NBEAL1: variants seen among roughly 807,000 people sequenced by gnomAD.
The protein encoded by NBEAL1 is neurobeachin-like protein 1.
NBEAL1 carries 273 observed loss-of-function variants against 351.3 expected under a neutral mutation model. The ratio of observed to expected loss-of-function variants is 0.78; its 90% CI spans 0.70 to 0.86. The LOEUF is 0.86. Ranked by LOEUF, NBEAL1 falls within the 40% of genes least tolerant of loss-of-function variation. The pLI, the probability that NBEAL1 is intolerant of heterozygous loss-of-function variation, is 0.00. For missense variants in NBEAL1, 2,961 were observed against 3,201.3 expected, an observed-to-expected ratio of 0.92 and a Z score of 1.81; for synonymous variants, 1,050 against 1,086.4, an observed-to-expected ratio of 0.97 and a Z score of 0.66.
chr2:203,066,341 C>A (rs1482480498), intron 6 of NBEAL1, among the ~76,000 whole-genome samples: 1 of 116,432 alleles, frequency 8.6e-6, no homozygotes. Context: ...TTTTTTTTTT[C>A]CATTTAAACC....
rs1358588131 is a variant in NBEAL1, at chr2:203,220,036, G to A, written c.*2682G>A. On this transcript the variant is annotated 3_prime_UTR_variant, in exon 56 of 56. Coordinates refer to ENST00000683969, the MANE Select transcript of NBEAL1 (RefSeq NM_001378026.1). ...TAAAAATCACTAGATAAAATAATTG[G>A]AAAGAAGTACTTTTGAGAATTCTGG... Among the ~76,000 whole-genome samples, 2 of 152,090 alleles carry A rather than the reference G, an allele frequency of 1.3e-5. No homozygotes were observed. The highest frequency in any genetic ancestry group is 2.9e-5 in the Non-Finnish European group (2 of 68,026).
At chr2:203,180,680 G>A (rs992498088) in intron 43 of NBEAL1, among the ~76,000 whole-genome samples, 168 bp downstream of exon 43, 2 of 152,142 alleles carry the variant, frequency 1.3e-5, no homozygotes, top group Admixed American at 6.6e-5. Flanking sequence ...ACCTTCCAGG[G>A]AAGTGCTATA....
chr2:203,145,158 C>T lies in NBEAL1; in HGVS notation c.5302C>T (p.Gln1768Ter), dbSNP rs2063479524. 3 of 1,602,956 alleles carry T rather than the reference C, an allele frequency of 1.9e-6. No individual in the cohort carries two copies. In the East Asian group the frequency reaches 6.7e-5, roughly 36 times the overall value. ...AGGAGGGGAAAGCAAGCTCAAATTT[C>T]AGGTAAAAAGTAAATGTTTTAATAT... ...REGGESKLKF[Q>*]ELFVEPFNRK... The change falls in exon 33 of 56, where the codon CAG becomes TAG. Residue 1768 changes from glutamine to a stop codon, truncating the protein, a stop_gained and splice_region_variant. Transcript: ENST00000683969. LOFTEE classifies it high-confidence loss of function.
At chr2:203,103,360 G>A (rs549701487) in intron 12 of NBEAL1, among the ~76,000 whole-genome samples, 45 of 151,788 alleles carry the variant, frequency 3.0e-4, no homozygotes, top group East Asian at 1.6e-3. Flanking sequence ...TGCAACCTCC[G>A]CCTCCCGGGT....
chr2:203,088,778 A>G (rs938800014), intron 10 of NBEAL1, among the ~76,000 whole-genome samples: 2 of 152,248 alleles, frequency 1.3e-5, no homozygotes, highest in African/African-American at 4.8e-5. Context: ...TCCAAAATAC[A>G]GCAGTGTCCT....
rs1462635936 is a variant in NBEAL1 at position 203,213,556 on chromosome 2, C to T, written c.7973C>T (p.Pro2658Leu). The T allele has an allele frequency of 1.2e-6, 2 of 1,613,892 alleles. No individual in the cohort carries two copies. The highest frequency in any genetic ancestry group is 1.7e-6 in the Non-Finnish European group (2 of 1,179,856). ...LSINPLAMRL[P>L]IHCVCVTKEY... ...ATCAACCCATTAGCCATGCGACTGCCTATCCATTGTGTTTGTGTCACCAAA... is the reference window on the plus strand; with the variant it reads ...ATCAACCCATTAGCCATGCGACTGCTTATCCATTGTGTTTGTGTCACCAAA... Residue 2658 changes from proline (P) to leucine (L), a missense_variant, in exon 55 of 56, where the codon CCT becomes CTT. Coordinates refer to ENST00000683969, the MANE Select transcript of NBEAL1 (RefSeq NM_001378026.1).
At chr2:203,202,258 T>C (rs1001613869) in intron 50 of NBEAL1, among the ~76,000 whole-genome samples, 1 of 152,184 alleles carries the variant, frequency 6.6e-6, no homozygotes, top group African/African-American at 2.4e-5. Flanking sequence ...AGGAAAAATA[T>C]ATTTGTATTG....
At chr2:203,124,230 G>A (rs1348155149) in intron 19 of NBEAL1, among the ~76,000 whole-genome samples, 1 of 152,158 alleles carries the variant, frequency 6.6e-6, no homozygotes, top group Non-Finnish European at 1.5e-5. Context: ...CTACTTGGGA[G>A]GCTGAGGTGA....
At chr2:203,166,919 T>A (rs1469168107) in intron 37 of NBEAL1, among the ~76,000 whole-genome samples, 1 of 152,062 alleles carries the variant, frequency 6.6e-6, no homozygotes, top group South Asian at 2.1e-4. Flanking sequence ...TCTCATGTCA[T>A]CCTTTATGTG....
At chr2:203,202,467 G>A (rs1170326375) in intron 50 of NBEAL1, among the ~76,000 whole-genome samples, 3 of 152,150 alleles carry the variant, frequency 2.0e-5, no homozygotes, top group Non-Finnish European at 4.4e-5. Flanking sequence ...GACTTCTCAT[G>A]CTCAGAGAAG....
chr2:203,083,157 A>G (rs2061902355), intron 8 of NBEAL1, 62 bp from the exon 9 acceptor site: 2 of 1,390,288 alleles, frequency 1.4e-6, no homozygotes, highest in East Asian at 2.5e-5. Flanking sequence ...AATTCTCATT[A>G]TTGCAAACAT....
chr2:203,048,595 T>G (rs2061269638), intron 3 of NBEAL1, among the ~76,000 whole-genome samples: 2 of 152,084 alleles, frequency 1.3e-5, no homozygotes, highest in Non-Finnish European at 2.9e-5. Flanking sequence ...GGAACACAGA[T>G]TTATTATTTC....
chr2:203,130,098 G>C (rs1275781671), intron 24 of NBEAL1, among the ~76,000 whole-genome samples: 1 of 152,168 alleles, frequency 6.6e-6, no homozygotes, highest in African/African-American at 2.4e-5. Context: ...GGAAGTCGAG[G>C]CTGCAGTGAG....
At position 203,213,576 on chromosome 2, in the gene NBEAL1, A is replaced by G. The variant is rs2065846370; in HGVS notation, c.7993A>G (p.Thr2665Ala). The G allele has an allele frequency of 6.2e-7, 1 of 1,613,960 alleles. No individual in the cohort carries two copies. Among genetic ancestry groups the G allele is most frequent in the Non-Finnish European group, 8.5e-7 (1 of 1,179,956 alleles). ...ACTGCCTATCCATTGTGTTTGTGTC[A>G]CCAAAGAATACAGCCATATTCTTGT... The part of the protein sequence containing the change: ...MRLPIHCVCV[T>A]KEYSHILVGL... Residue 2665 changes from threonine to alanine, a missense_variant, in exon 55 of 56, where the codon ACC (threonine) becomes GCC (alanine). Physicochemically the swap from Thr to Ala is moderately conservative, Grantham distance 58. Coordinates refer to ENST00000683969, the MANE Select transcript of NBEAL1 (RefSeq NM_001378026.1).
At chr2:203,090,459 T>G (rs2062041809) in intron 10 of NBEAL1, among the ~76,000 whole-genome samples, 1 of 152,234 alleles carries the variant, frequency 6.6e-6, no homozygotes, top group Admixed American at 6.5e-5. Context: ...AAGTAGCATT[T>G]TTTTACTTTT....
At chr2:203,039,779 T>C (rs1285283024) in intron 2 of NBEAL1, among the ~76,000 whole-genome samples, 1 of 152,240 alleles carries the variant, frequency 6.6e-6, no homozygotes, top group African/African-American at 2.4e-5. Context: ...TGCATGTTAC[T>C]CTTAATTCAT....
chr2:203,104,487 T>G (rs931451401), intron 12 of NBEAL1, among the ~76,000 whole-genome samples: 1 of 152,372 alleles, frequency 6.6e-6, no homozygotes, highest in Admixed American at 6.5e-5. Flanking sequence ...CTTGGTTTTT[T>G]ATCCAACTTG....
intron 24 of NBEAL1, among the ~76,000 whole-genome samples, chr2:203,129,974 C>T (rs935704142): frequency 3.9e-5 from 6 of 152,040 alleles, no homozygotes; most frequent in Non-Finnish European, 7.4e-5. Context: ...CTAGCCTGGG[C>T]GGCATGACGA....
chr2:203,172,876 A>G, intron 41 of NBEAL1, 23 bp downstream of exon 41: 1 of 1,575,616 alleles, frequency 6.3e-7, no homozygotes, highest in Non-Finnish European at 8.6e-7. Context: ...TATTCCTTTT[A>G]TAAAATACAC....
Sources: allele counts gnomAD v4.1 joint callset (sites outside exome capture counted in the v4.1 genomes callset), GRCh38; gene constraint gnomAD v4.1.1; transcripts MANE v1.5; gene names NCBI Gene and HGNC (gene_info 2026-07-23, HGNC 2026-07-21).